Variants in PPP1R18 observed in about 807,000 individuals in gnomAD.
PPP1R18 encodes protein phosphatase 1 regulatory subunit 18.
In PPP1R18, 31 loss-of-function variants were observed where a neutral mutation model predicts 54.8. The observed-to-expected ratio is 0.57, with a 90% CI of 0.43 to 0.76. The LOEUF is 0.76. Ranked by LOEUF, PPP1R18 falls within the 30% of genes least tolerant of loss-of-function variation. The pLI is 0.00. For synonymous variants in PPP1R18, 310 were observed against 320.2 expected, an observed-to-expected ratio of 0.97 and a Z score of 0.34; for missense variants, 685 against 776.1, an observed-to-expected ratio of 0.88 and a Z score of 1.39.
At position 30,685,785 on chromosome 6, in the gene PPP1R18, A is replaced by T; in HGVS notation, c.234T>A (p.Leu78=). The T allele has an allele frequency of 1.2e-6, 2 of 1,612,992 alleles. No individual in the cohort carries two copies. Among genetic ancestry groups the T allele is most frequent in the South Asian group, 2.2e-5 (2 of 91,088 alleles). The change falls in exon 1 of 3, where the codon CTT becomes CTA. Residue 78 remains leucine, a synonymous_variant. Transcript: ENST00000274853. The surrounding 1 kb of genome is among the most constrained non-coding windows in gnomAD (Gnocchi z 5.0). ...GGTGCACTGGCCCGATGGCCTCCAG[A>T]AGGACCGCAGACTCATCCGGGTCTG... is the stretch of plus-strand genomic sequence containing the variant. ...GPPDPDESAV[L]LEAIGPVHQN... is the part of the protein sequence containing the mutation.
Position 30,684,674 on chromosome 6 carries a change from T to A in PPP1R18, c.1345A>T (p.Met449Leu). ...TTCACCCCATAGAACAGGCGGCTCA[T>A]GAGGGGATCCCCAGGAGGTTGGGGG... Reference protein sequence around the residue: ...TAPQPPGDPLMSRLFYGVKAG... With the variant: ...TAPQPPGDPLLSRLFYGVKAG... The change falls in exon 1 of 3, where the codon ATG becomes TTG. Residue 449 changes from methionine to leucine, a missense_variant. By Grantham distance (15) the Met-to-Leu change is conservative. Transcript: ENST00000274853. This position sits in a 1 kb window ranked among gnomAD's most constrained non-coding sequence, Gnocchi z 6.0. 1.3e-6 allele frequency: 2 copies of A among 1,487,716 alleles called. No homozygotes were observed. Among genetic ancestry groups the A allele is most frequent in the Non-Finnish European group, 1.8e-6 (2 of 1,115,394 alleles). The allele number at this position is 1,487,716 out of a possible 1,614,324, so 92.2% of individuals were successfully genotyped here.
intron 2 of PPP1R18, 77 bp downstream of exon 2, chr6:30,679,086 GTGCCTACATGTAATCC>G: frequency 9.8e-7 from 1 of 1,023,956 alleles, no homozygotes; most frequent in East Asian, 2.6e-5. Context: ...CCCCTTCCGA[GTGCCTACATGTAATCC>G]TCCCTCCTCT....
At chr6:30,687,264 G>A (rs1231898031), upstream of PPP1R18, 1 of 153,728 alleles carries the variant, frequency 6.5e-6, no homozygotes, top group Non-Finnish European at 1.4e-5. The surrounding 1 kb of genome is among the most constrained non-coding windows in gnomAD (Gnocchi z 7.9). Flanking sequence ...AAGGAGGAGG[G>A]ACGGAGACAG....
chr6:30,679,106 C>T, intron 2 of PPP1R18, 73 bp downstream of exon 2: 1 of 1,322,600 alleles, frequency 7.6e-7, no homozygotes, highest in Non-Finnish European at 1.1e-6. Flanking sequence ...GTAATCCTCC[C>T]TCCTCTCTCC....
chr6:30,686,099 G>A lies in PPP1R18; in HGVS notation c.-81C>T. 2 of 1,410,390 alleles carry A rather than the reference G, an allele frequency of 1.4e-6. No individual in the cohort carries two copies. Among genetic ancestry groups the A allele is most frequent in the Non-Finnish European group, 1.9e-6 (2 of 1,051,670 alleles). The allele number at this position is 1,410,390 out of a possible 1,614,324, so 87.4% of individuals were successfully genotyped here. A position where few individuals can be genotyped will look rare whatever the true frequency, so the allele number is the denominator to read the frequency against. On this transcript the variant is annotated 5_prime_UTR_variant, in exon 1 of 3. Coordinates refer to ENST00000274853, the MANE Select transcript of PPP1R18 (RefSeq NM_133471.4). ...CTCCAGAGAGTGAGACAGCCCGGGG[G>A]TGAGACTGAGGGTGGGAGGAGAGGA...
chr6:30,686,301 C>A lies in PPP1R18; in HGVS notation c.-283G>T. ...GAGTCCGGATTGGAGGCAATGAGGG[C>A]AGGAGCCAGATGTGGCAGCACAGGG... On this transcript the variant is annotated 5_prime_UTR_variant, in exon 1 of 3. Transcript: ENST00000274853. The A allele has an allele frequency of 4.2e-6, 2 of 474,170 alleles. No homozygotes were observed. Among genetic ancestry groups the A allele is most frequent in the Middle Eastern group, 5.3e-4 (1 of 1,872 alleles). The allele number at this position is 474,170 out of a possible 1,614,324, so 29.4% of individuals were successfully genotyped here.
At chr6:30,688,288 G>GCC, upstream of PPP1R18, 1 of 249,576 alleles carries the variant, frequency 4.0e-6, no homozygotes, top group South Asian at 6.6e-5. The surrounding 1 kb of genome is among the most constrained non-coding windows in gnomAD (Gnocchi z 5.9). Flanking sequence ...TGGAGTGGAA[G>GCC]CCAGCGGTGC....
In PPP1R18 at chr6:30,684,853, G is replaced by A. The variant is rs1562027799; in HGVS notation, c.1166C>T (p.Pro389Leu). The A allele has an allele frequency of 6.2e-7, 1 of 1,612,864 alleles. No individual in the cohort carries two copies. The highest frequency in any genetic ancestry group is 8.5e-7 in the Non-Finnish European group (1 of 1,180,018). Residue 389 changes from proline (P) to leucine (L), a missense_variant, in exon 1 of 3, where the codon CCT (proline) becomes CTT (leucine). Pro to Leu is a moderately conservative substitution (Grantham distance 98). Transcript: ENST00000274853. The surrounding 1 kb of genome is among the most constrained non-coding windows in gnomAD (Gnocchi z 6.0). The part of the protein sequence containing the change: ...EKEEAGAQGR[P>L]LRALQNCCSV... ...GCAGCAGTTCTGCAGGGCTCTCAGA[G>A]GCCTGCCCTGAGCCCCCGCCTCCTC... is the stretch of plus-strand genomic sequence containing the variant.
upstream of PPP1R18, chr6:30,688,355 CA>C (rs1289103622): frequency 1.2e-5 from 6 of 483,994 alleles, 1 homozygote; most frequent in East Asian, 1.5e-4. This position sits in a 1 kb window ranked among gnomAD's most constrained non-coding sequence, Gnocchi z 5.9. Context: ...GTGGTCAGGG[CA>C]GATCCTTTCC....
Position 30,677,061 on chromosome 6 carries a change from AC to A in PPP1R18, c.*207del. On this transcript the variant is annotated 3_prime_UTR_variant, in exon 3 of 3. Coordinates refer to ENST00000274853, the MANE Select transcript of PPP1R18 (RefSeq NM_133471.4). ...GACCTAGGATGCACCAGCACGTTTA[AC>A]CCCACCCACACCAGGGACTTTGGAT... 1.4e-6 allele frequency: 1 copy of A among 702,652 alleles called. No homozygotes were observed. The highest frequency in any genetic ancestry group is 2.6e-6 in the Non-Finnish European group (1 of 384,356). 43.5% of individuals were successfully genotyped at this position (702,652 alleles called of 1,614,324 possible).
Position 30,676,883 on chromosome 6 carries a change from G to A in PPP1R18, c.*386C>T. 3 of 358,096 alleles carry A rather than the reference G, an allele frequency of 8.4e-6. No homozygotes were observed. Among genetic ancestry groups the A allele is most frequent in the South Asian group, 8.0e-5 (3 of 37,386 alleles). 22.2% of individuals were successfully genotyped at this position (358,096 alleles called of 1,614,324 possible). On this transcript the variant is annotated 3_prime_UTR_variant, in exon 3 of 3. Coordinates refer to ENST00000274853, the MANE Select transcript of PPP1R18 (RefSeq NM_133471.4). ...AATGGAGTGGGGTCTGGGCCTCCCA[G>A]AGAGACGAGTGCTTAAATCCCGAGA...
chr6:30,685,311 T>G lies in PPP1R18; in HGVS notation c.708A>C (p.Thr236=), dbSNP rs771494855. The change falls in exon 1 of 3, where the codon ACA becomes ACC. Residue 236 remains threonine, a synonymous_variant. Coordinates refer to ENST00000274853, the MANE Select transcript of PPP1R18 (RefSeq NM_133471.4). This position sits in a 1 kb window ranked among gnomAD's most constrained non-coding sequence, Gnocchi z 5.0. ...AGTCAGGTCTCCATTTATGGGCCTC[T>G]GTCAGGCCCAACTTCTGGTAGGCAG... ...GESAYQKLGL[T]EAHKWRPDSR... The G allele has an allele frequency of 6.2e-7, 1 of 1,613,126 alleles. No homozygotes were observed. Among genetic ancestry groups the G allele is most frequent in the East Asian group, 2.2e-5 (1 of 44,892 alleles).
rs1280241909 is a variant in PPP1R18 at position 30,683,845 on chromosome 6, C to T, written c.1611+563G>A. Among the ~76,000 whole-genome samples the T allele has an allele frequency of 6.6e-6, 1 of 152,096 alleles. No individual in the cohort carries two copies. The highest frequency in any genetic ancestry group is 2.4e-5 in the African/African-American group (1 of 41,414). On this transcript the variant is annotated intron_variant, in intron 1 of 2. Coordinates refer to ENST00000274853, the MANE Select transcript of PPP1R18 (RefSeq NM_133471.4). The surrounding 1 kb of genome is among the most constrained non-coding windows in gnomAD (Gnocchi z 5.1). ...GGCCCGGTTCCATCTCCCCTCTCCC[C>T]TCCATCCTAGGATGTCCCTATTCAG... is the stretch of plus-strand genomic sequence containing the variant.
chr6:30,686,193 G>A lies in PPP1R18; in HGVS notation c.-175C>T. ...AAGGATGAGGACAGAGGGAAAGACGGAAGGCAGAGAACTGGGGAAATGGAA... is the reference window on the plus strand; with the variant it reads ...AAGGATGAGGACAGAGGGAAAGACGAAAGGCAGAGAACTGGGGAAATGGAA... On this transcript the variant is annotated 5_prime_UTR_variant, in exon 1 of 3. Transcript: ENST00000274853. The A allele has an allele frequency of 1.7e-6, 1 of 602,982 alleles. No homozygotes were observed. The highest frequency in any genetic ancestry group is 2.9e-5 in the East Asian group (1 of 34,142). 37.4% of individuals were successfully genotyped at this position (602,982 alleles called of 1,614,324 possible). A position where few individuals can be genotyped will look rare whatever the true frequency, so the allele number is the denominator to read the frequency against.
chr6:30,678,032 T>C (rs1582989595), intron 2 of PPP1R18, among the ~76,000 whole-genome samples: 1 of 151,606 alleles, frequency 6.6e-6, no homozygotes, highest in Non-Finnish European at 1.5e-5. Context: ...TGCCTCAGAC[T>C]CCCGAGTAGC....
rs894962263 is a variant in PPP1R18 at position 30,686,198 on chromosome 6, C to T, written c.-180G>A. ...TGAGGACAGAGGGAAAGACGGAAGGCAGAGAACTGGGGAAATGGAAAAAGT... is the reference window on the plus strand; with the variant it reads ...TGAGGACAGAGGGAAAGACGGAAGGTAGAGAACTGGGGAAATGGAAAAAGT... On this transcript the variant is annotated 5_prime_UTR_variant, in exon 1 of 3. Coordinates refer to ENST00000274853, the MANE Select transcript of PPP1R18 (RefSeq NM_133471.4). 8.8e-6 allele frequency: 5 copies of T among 567,558 alleles called. No homozygotes were observed. Among genetic ancestry groups the T allele is most frequent in the African/African-American group, 3.9e-5 (2 of 51,740 alleles). The allele number at this position is 567,558 out of a possible 1,614,324, so 35.2% of individuals were successfully genotyped here.
Position 30,684,501 on chromosome 6 carries a change from G to A in PPP1R18, c.1518C>T (p.Tyr506=), listed in dbSNP as rs1770739749. The part of the protein sequence containing the change: ...AAVPGAGKKR[Y]PTAEEILVLG... ...GAACCAAGATCTCCTCGGCAGTTGG[G>A]TACCGCTTCTTCCCAGCCCCCGGGA... is the stretch of plus-strand genomic sequence containing the variant. Residue 506 remains tyrosine, a synonymous_variant, in exon 1 of 3, where the codon TAC becomes TAT. Coordinates refer to ENST00000274853, the MANE Select transcript of PPP1R18 (RefSeq NM_133471.4). The surrounding 1 kb of genome is among the most constrained non-coding windows in gnomAD (Gnocchi z 6.0). 6.2e-7 allele frequency: 1 copy of A among 1,612,428 alleles called. No individual in the cohort carries two copies. Among genetic ancestry groups the A allele is most frequent in the African/African-American group, 1.3e-5 (1 of 74,924 alleles).
In PPP1R18 at chr6:30,685,094, C is replaced by T. The variant is rs540681274; in HGVS notation, c.925G>A (p.Ala309Thr). 15 of 1,613,100 alleles carry T rather than the reference C, an allele frequency of 9.3e-6. No individual in the cohort carries two copies. The highest frequency in any genetic ancestry group is 1.3e-5 in the African/African-American group (1 of 74,928). Residue 309 changes from alanine to threonine, a missense_variant, in exon 1 of 3, where the codon GCA becomes ACA. Coordinates refer to ENST00000274853, the MANE Select transcript of PPP1R18 (RefSeq NM_133471.4). The surrounding 1 kb of genome is among the most constrained non-coding windows in gnomAD (Gnocchi z 5.0). ...LTREAQGNSS[A>T]GVEAAEQRPV... ...CTCTGCTCTGCTGCCTCCACTCCTG[C>T]GGAACTGTTGCCTTGGGCCTCCCTT...
chr6:30,685,708 C>CGTT lies in PPP1R18; in HGVS notation c.308_310dup (p.Gln103dup). On this transcript the variant is annotated inframe_insertion, in exon 1 of 3. Coordinates refer to ENST00000274853, the MANE Select transcript of PPP1R18 (RefSeq NM_133471.4). This position sits in a 1 kb window ranked among gnomAD's most constrained non-coding sequence, Gnocchi z 5.0. ...TCTCTCTGCTAGCAGCTCTTCACTC[C>CGTT]GTTGTTGTTGCTGCTGCTGCTGCTG... 3.7e-6 allele frequency: 6 copies of CGTT among 1,613,082 alleles called. No individual in the cohort carries two copies. Among genetic ancestry groups the CGTT allele is most frequent in the African/African-American group, 1.3e-5 (1 of 75,054 alleles).
Sources: gnomAD v4.1 joint callset for allele counts (sites outside exome capture counted in the v4.1 genomes callset) on GRCh38, gnomAD v4.1.1 for gene constraint, Gnocchi (gnomAD v3.1) non-coding constraint, MANE v1.5 for transcripts, NCBI Gene and HGNC (gene_info 2026-07-23, HGNC 2026-07-21) for gene names.